FGF14: variants seen among roughly 807,000 people sequenced by gnomAD.
FGF14 encodes fibroblast growth factor homologous factor 4.
In FGF14, 5 loss-of-function variants were observed where a neutral mutation model predicts 25.5. The observed-to-expected ratio is 0.20, with a 90% CI of 0.10 to 0.41. FGF14 has a LOEUF of 0.41. FGF14 is among the 10% of genes least tolerant of loss of function. FGF14 has a pLI of 1.00. For missense variants in FGF14, 222 were observed against 320.1 expected, an observed-to-expected ratio of 0.69 and a Z score of 2.34; for synonymous variants, 138 against 118.3, an observed-to-expected ratio of 1.17 and a Z score of -1.08.
rs146043338 is a variant in FGF14 at position 101,879,773 on chromosome 13, A to G, written c.194-4477T>C. 3.8e-3 allele frequency among the ~76,000 whole-genome samples: 585 copies of G among 152,262 alleles called. 3 individuals are homozygous for G. The highest frequency in any genetic ancestry group is 0.013 in the African/African-American group (542 of 41,564). ...GCTATGGAAAAAATCACACATTTTTATAGGGTAAAAACAACTTTTGTAATG... is the reference window on the plus strand; with the variant it reads ...GCTATGGAAAAAATCACACATTTTTGTAGGGTAAAAACAACTTTTGTAATG... On this transcript the variant is annotated intron_variant, in intron 1 of 4. Transcript: ENST00000376143.
intron 1 of FGF14, among the ~76,000 whole-genome samples, chr13:102,381,394 G>T (rs1490873153): frequency 6.6e-6 from 1 of 152,206 alleles, no homozygotes; most frequent in Admixed American, 6.5e-5. Flanking sequence ...CTCCCCTCAG[G>T]AATGGGATTG....
intron 1 of FGF14, among the ~76,000 whole-genome samples, chr13:102,133,848 G>A (rs931103123): frequency 6.6e-6 from 1 of 152,140 alleles, no homozygotes; most frequent in African/African-American, 2.4e-5. Flanking sequence ...CCAAAAGTCT[G>A]GTCAGTGTGC....
intron 3 of FGF14, among the ~76,000 whole-genome samples, chr13:101,865,457 G>C (rs1356941488): frequency 5.3e-5 from 8 of 152,028 alleles, no homozygotes; most frequent in Admixed American, 5.3e-4. Context: ...CAAATGGCTT[G>C]TATCCGACAT....
chr13:102,155,012 G>A (rs1044449238), intron 1 of FGF14, among the ~76,000 whole-genome samples: 2 of 152,102 alleles, frequency 1.3e-5, no homozygotes, highest in African/African-American at 4.8e-5. Context: ...GATTCATAAA[G>A]CCAGTCCTTA....
chr13:102,080,020 G>A (rs1193154761), intron 1 of FGF14, among the ~76,000 whole-genome samples: 2 of 152,104 alleles, frequency 1.3e-5, no homozygotes, highest in South Asian at 4.1e-4. Flanking sequence ...GCTGGGAGAT[G>A]CATTCATGAC....
Position 101,712,562 on chromosome 13 carries a change from A to G in FGF14, c.*10269T>C, listed in dbSNP as rs2034518743. 6.6e-6 allele frequency: 1 copy of G among 152,192 alleles called. No individual in the cohort carries two copies. Among genetic ancestry groups the G allele is most frequent in the African/African-American group, 2.4e-5 (1 of 41,446 alleles). 9.4% of individuals were successfully genotyped at this position (152,192 alleles called of 1,614,324 possible). On this transcript the variant is annotated 3_prime_UTR_variant, in exon 5 of 5. Transcript: ENST00000376143. ...TATCCTGGGTGTATATATGAATATT[A>G]TGGGCATATAAAATCAGCACTACTT...
At chr13:102,298,492 C>T (rs1057187674) in intron 1 of FGF14, among the ~76,000 whole-genome samples, 6 of 152,266 alleles carry the variant, frequency 3.9e-5, no homozygotes, top group African/African-American at 9.6e-5. Context: ...AATTGACTAA[C>T]GAAGACATTC....
At position 101,916,907 on chromosome 13, in the gene FGF14, G is replaced by C. The variant is rs1426382108; in HGVS notation, c.-262C>G. Among the ~76,000 whole-genome samples, 2 of 152,032 alleles carry C rather than the reference G, an allele frequency of 1.3e-5. No homozygotes were observed. The highest frequency in any genetic ancestry group is 4.8e-5 in the African/African-American group (2 of 41,442). On this transcript the variant is annotated 5_prime_UTR_variant, in exon 1 of 5. Coordinates refer to ENST00000376143, the MANE Select transcript of FGF14 (RefSeq NM_004115.4). ...GAAGCCGGACGTCGTGGCCGCCGCC[G>C]CTTGGCCACGTCCGAGTGGAGAGCG...
At chr13:101,743,082 G>T (rs2036655518) in intron 3 of FGF14, among the ~76,000 whole-genome samples, 1 of 152,150 alleles carries the variant, frequency 6.6e-6, no homozygotes, top group Non-Finnish European at 1.5e-5. Context: ...GAACCAATGT[G>T]CGTCATACAT....
At chr13:102,296,842 A>G (rs915065480) in intron 1 of FGF14, among the ~76,000 whole-genome samples, 1 of 152,182 alleles carries the variant, frequency 6.6e-6, no homozygotes, top group African/African-American at 2.4e-5. Context: ...ATCCTCATAA[A>G]GAGGCCAAAC....
chr13:102,057,942 G>C (rs1206386494), intron 1 of FGF14, among the ~76,000 whole-genome samples: 1 of 152,160 alleles, frequency 6.6e-6, no homozygotes, highest in Non-Finnish European at 1.5e-5. Context: ...ATTTGTGGAA[G>C]CCTGTGAAAT....
chr13:101,808,703 C>T (rs1566926924), intron 3 of FGF14, among the ~76,000 whole-genome samples: 1 of 151,984 alleles, frequency 6.6e-6, no homozygotes, highest in Non-Finnish European at 1.5e-5. Context: ...ATAGGAGTCC[C>T]AGAAGATAAG....
chr13:102,046,572 G>T (rs750362315), intron 1 of FGF14, among the ~76,000 whole-genome samples: 1 of 152,090 alleles, frequency 6.6e-6, no homozygotes, highest in African/African-American at 2.4e-5. Context: ...TTAATGCACC[G>T]TTCTGTTAAA....
At chr13:102,278,343 A>C (rs1223476062) in intron 1 of FGF14, among the ~76,000 whole-genome samples, 1 of 152,214 alleles carries the variant, frequency 6.6e-6, no homozygotes, top group East Asian at 1.9e-4. Flanking sequence ...CAGAGGAAGC[A>C]GCGGACAAGT....
intron 1 of FGF14, among the ~76,000 whole-genome samples, chr13:102,230,638 G>A (rs2051041486): frequency 6.6e-6 from 1 of 152,120 alleles, no homozygotes; most frequent in East Asian, 1.9e-4. Flanking sequence ...AAAAGGAGGT[G>A]TGTGTGCACT....
chr13:102,149,274 G>A (rs2046981182), intron 1 of FGF14, among the ~76,000 whole-genome samples: 1 of 151,884 alleles, frequency 6.6e-6, no homozygotes, highest in Non-Finnish European at 1.5e-5. Flanking sequence ...CCTCTCTTAT[G>A]GCGAATTCTA....
chr13:101,903,498 A>T (rs1238832267), intron 1 of FGF14, among the ~76,000 whole-genome samples: 1 of 152,134 alleles, frequency 6.6e-6, no homozygotes, highest in African/African-American at 2.4e-5. Context: ...TTCTATAAAT[A>T]CTGGGAGGCA....
At chr13:102,055,200 T>C (rs999202430) in intron 1 of FGF14, among the ~76,000 whole-genome samples, 1 of 152,246 alleles carries the variant, frequency 6.6e-6, no homozygotes, top group Non-Finnish European at 1.5e-5. Flanking sequence ...CACATGTTTT[T>C]CTAGTCAATT....
At chr13:102,143,057 T>G (rs1320652338) in intron 1 of FGF14, among the ~76,000 whole-genome samples, 2 of 152,198 alleles carry the variant, frequency 1.3e-5, no homozygotes, top group Non-Finnish European at 2.9e-5. Flanking sequence ...GATTCCACCA[T>G]GGTTTATCCC....
Sources: allele counts gnomAD v4.1 joint callset (sites outside exome capture counted in the v4.1 genomes callset), GRCh38; gene constraint gnomAD v4.1.1; transcripts MANE v1.5; gene names NCBI Gene and HGNC (gene_info 2026-07-23, HGNC 2026-07-21).